Variants in EDARADD observed in about 807,000 individuals in gnomAD.
EDARADD encodes the protein EDAR associated via death domain.
Under a neutral mutation model 25.6 loss-of-function variants are expected in EDARADD, and 20 were observed. That is an observed-to-expected ratio of 0.78 (90% CI 0.55 to 1.14). The LOEUF is 1.14. Among genes scored for constraint, EDARADD ranks in the 50% most tolerant of loss-of-function variants. EDARADD has a pLI of 0.00. For synonymous variants in EDARADD, 86 were observed against 94.4 expected, an observed-to-expected ratio of 0.91 and a Z score of 0.52; for missense variants, 225 against 270.1, an observed-to-expected ratio of 0.83 and a Z score of 1.17.
chr1:236,400,764 G>T (rs374400771), intron 1 of EDARADD, among the ~76,000 whole-genome samples: 1 of 136,700 alleles, frequency 7.3e-6, no homozygotes, highest in Non-Finnish European at 1.5e-5. Context: ...ATGGGGTCTC[G>T]CCATATTGCC....
chr1:236,451,787 G>A (rs780741828), intron 4 of EDARADD, among the ~76,000 whole-genome samples: 4 of 152,088 alleles, frequency 2.6e-5, no homozygotes, highest in Non-Finnish European at 5.9e-5. Context: ...AAAGTTAGGC[G>A]GTTGGACCTG....
chr1:236,442,359 C>T (rs1658423975), intron 4 of EDARADD, among the ~76,000 whole-genome samples: 1 of 152,204 alleles, frequency 6.6e-6, no homozygotes, highest in Non-Finnish European at 1.5e-5. Flanking sequence ...CTCCTAACCT[C>T]AAGTGATCCT....
chr1:236,430,542 T>C (rs1658064726), intron 4 of EDARADD, among the ~76,000 whole-genome samples: 1 of 152,176 alleles, frequency 6.6e-6, no homozygotes, highest in African/African-American at 2.4e-5. Context: ...AAGGTGAAAA[T>C]ATATTTATCA....
chr1:236,452,103 T>G lies in EDARADD; in HGVS notation c.220-16128T>G, dbSNP rs571754442. Among the ~76,000 whole-genome samples, 6 of 152,330 alleles carry G rather than the reference T, an allele frequency of 3.9e-5. No homozygotes were observed. In the East Asian group the frequency reaches 1.2e-3, roughly 29 times the overall value. ...CTTCCAGTGGCAGAAAGGTTGGGCC[T>G]GTGAGTACCCACAGTCCACAAGAAT... On this transcript the variant is annotated intron_variant, in intron 4 of 5. Transcript: ENST00000334232.
chr1:236,459,198 A>G (rs1658969527), intron 4 of EDARADD, among the ~76,000 whole-genome samples: 1 of 152,246 alleles, frequency 6.6e-6, no homozygotes, highest in Non-Finnish European at 1.5e-5. Context: ...GGATTTGTGA[A>G]TGAAATAGAC....
At chr1:236,447,229 CT>C (rs1280935452) in intron 4 of EDARADD, among the ~76,000 whole-genome samples, 8 of 103,160 alleles carry the variant, frequency 7.8e-5, no homozygotes, top group African/African-American at 3.8e-4. Flanking sequence ...TCTTTCCTTT[CT>C]TTCCTTTCTT....
intron 1 of EDARADD, 66 bp from the exon 2 acceptor site, chr1:236,409,150 G>A (rs1311400598): frequency 1.7e-6 from 2 of 1,148,708 alleles, no homozygotes; most frequent in Non-Finnish European, 1.3e-6. Flanking sequence ...AGTTATCAAA[G>A]GACTCATTTG....
chr1:236,468,370 T>C, intron 5 of EDARADD, 94 bp downstream of exon 5: 1 of 1,364,620 alleles, frequency 7.3e-7, no homozygotes, highest in Middle Eastern at 1.8e-4. Context: ...ATGCCTGTAA[T>C]TCCAGCACTT....
intron 2 of EDARADD, among the ~76,000 whole-genome samples, chr1:236,349,804 A>T (rs1031588171): frequency 6.6e-6 from 1 of 152,116 alleles, no homozygotes; most frequent in African/African-American, 2.4e-5. Context: ...GAAGGAAAAA[A>T]AAAGGGCAGT....
At chr1:236,402,920 C>T (rs1385132772) in intron 1 of EDARADD, among the ~76,000 whole-genome samples, 6 of 152,152 alleles carry the variant, frequency 3.9e-5, no homozygotes, top group Non-Finnish European at 5.9e-5. Flanking sequence ...GCAGAGCAGA[C>T]GCTAGGGAAG....
intron 5 of EDARADD, among the ~76,000 whole-genome samples, chr1:236,479,404 A>T (rs1659602383): frequency 6.6e-6 from 1 of 151,288 alleles, no homozygotes; most frequent in African/African-American, 2.4e-5. Flanking sequence ...CTGAGGTGAG[A>T]GTATTGCTTG....
chr1:236,475,636 C>T (rs764200930), intron 5 of EDARADD, among the ~76,000 whole-genome samples: 2 of 151,568 alleles, frequency 1.3e-5, no homozygotes, highest in African/African-American at 2.4e-5. Flanking sequence ...TAGTGGCAGG[C>T]GCCTCTAATC....
rs536660644 is a variant in EDARADD, at chr1:236,366,720, G to A, written c.-6+15881G>A. Among the ~76,000 whole-genome samples, 9 of 147,026 alleles carry A rather than the reference G, an allele frequency of 6.1e-5. No homozygotes were observed. In the South Asian group the frequency reaches 1.9e-3, roughly 32 times the overall value. On this transcript the variant is annotated intron_variant, in intron 3 of 7. Coordinates refer to the EDARADD transcript ENST00000439430. ...GAAGCTTTCTCAAGGCAGTAACCTGGGTCAGAGAGCTCATCTCTCTCTTTT... is the reference window on the plus strand; with the variant it reads ...GAAGCTTTCTCAAGGCAGTAACCTGAGTCAGAGAGCTCATCTCTCTCTTTT...
At position 236,484,068 on chromosome 1, in the gene EDARADD, G is replaced by A; in HGVS notation, c.*1419G>A. On this transcript the variant is annotated 3_prime_UTR_variant, in exon 6 of 6. Transcript: ENST00000334232. The surrounding 1 kb of genome is among the most constrained non-coding windows in gnomAD (Gnocchi z 4.1). ...AGATCCCTTTGACCAGGATGACTGGGGAGCTTGGCAGAAGTTCACGGCCAG... is the reference window on the plus strand; with the variant it reads ...AGATCCCTTTGACCAGGATGACTGGAGAGCTTGGCAGAAGTTCACGGCCAG... 1.9e-6 allele frequency: 3 copies of A among 1,577,490 alleles called. No homozygotes were observed. The highest frequency in any genetic ancestry group is 1.3e-5 in the African/African-American group (1 of 74,318).
At chr1:236,472,348 A>G (rs1659381700) in intron 5 of EDARADD, among the ~76,000 whole-genome samples, 1 of 152,184 alleles carries the variant, frequency 6.6e-6, no homozygotes, top group African/African-American at 2.4e-5. Context: ...GCTGCACATT[A>G]GAAGTCCCAG....
intron 3 of EDARADD, among the ~76,000 whole-genome samples, chr1:236,422,931 A>G (rs1003660315): frequency 6.6e-6 from 1 of 152,224 alleles, no homozygotes; most frequent in Non-Finnish European, 1.5e-5. Flanking sequence ...GTGTTTAATG[A>G]CAGCCTCTAT....
chr1:236,399,754 GCA>G (rs1667583098), intron 1 of EDARADD, among the ~76,000 whole-genome samples: 1 of 152,232 alleles, frequency 6.6e-6, no homozygotes, highest in Non-Finnish European at 1.5e-5. Context: ...GTCAAAGGTG[GCA>G]CAATTCCTTG....
intron 4 of EDARADD, among the ~76,000 whole-genome samples, chr1:236,467,447 C>CACACACAT (rs1659234840): frequency 1.3e-5 from 2 of 149,088 alleles, no homozygotes; most frequent in African/African-American, 4.9e-5. Flanking sequence ...CACACACACA[C>CACACACAT]ACACACACAT....
intron 3 of EDARADD, among the ~76,000 whole-genome samples, chr1:236,368,872 C>T (rs1263479913): frequency 1.3e-5 from 2 of 152,208 alleles, no homozygotes; most frequent in African/African-American, 2.4e-5. Flanking sequence ...AATCATTTGA[C>T]AATCCATGAT....
Sources: allele counts gnomAD v4.1 joint callset (sites outside exome capture counted in the v4.1 genomes callset), GRCh38; gene constraint gnomAD v4.1.1; non-coding constraint Gnocchi (gnomAD v3.1); transcripts MANE v1.5; gene names NCBI Gene and HGNC (gene_info 2026-07-23, HGNC 2026-07-21).